The following STAP2 variants were observed in gnomAD, a reference collection of about 807,000 sequenced individuals.
STAP2 encodes signal transducing adaptor family member 2, also known as signal-transducing adaptor protein 2.
STAP2 carries 58 observed loss-of-function variants against 52.7 expected under a neutral mutation model. The ratio of observed to expected loss-of-function variants is 1.10; its 90% CI spans 0.89 to 1.37. The LOEUF is 1.37. Among genes scored for constraint, STAP2 ranks in the 40% most tolerant of loss-of-function variants. The probability of loss-of-function intolerance (pLI) is 0.00; values close to 1 mark genes in which losing one functional copy is unlikely to be tolerated. For missense variants in STAP2, 522 were observed against 519.4 expected, an observed-to-expected ratio of 1.00 and a Z score of -0.05; for synonymous variants, 231 against 210.5, an observed-to-expected ratio of 1.10 and a Z score of -0.84.
Position 4,324,865 on chromosome 19 carries a change from T to G in STAP2, c.1073-336A>C, listed in dbSNP as rs1201839801. Reference sequence around the variant, plus strand: ...ATAAAGACAGATGAGCTGGGTGCGGTGGCTCACGCCTGTAATCCCAGCACT... The same window carrying G: ...ATAAAGACAGATGAGCTGGGTGCGGGGGCTCACGCCTGTAATCCCAGCACT... On this transcript the variant is annotated intron_variant, in intron 11 of 12. Transcript: ENST00000594605. 4 of 414,910 alleles carry G rather than the reference T, an allele frequency of 9.6e-6. No homozygotes were observed. The East Asian group carries it at 2.0e-4, about 21-fold the overall frequency. The allele number at this position is 414,910 out of a possible 1,614,324, so 25.7% of individuals were successfully genotyped here.
chr19:4,337,655 G>A (rs997330714), intron 1 of STAP2, among the ~76,000 whole-genome samples: 7 of 151,818 alleles, frequency 4.6e-5, no homozygotes, highest in South Asian at 2.1e-4. Context: ...AAGACCAGCC[G>A]GGCCAACAAA....
At chr19:4,335,329 C>T (rs777902452) in intron 1 of STAP2, among the ~76,000 whole-genome samples, 1 of 152,014 alleles carries the variant, frequency 6.6e-6, no homozygotes, top group Non-Finnish European at 1.5e-5. Flanking sequence ...ATCCCTCCAT[C>T]GTGCATCCAC....
intron 12 of STAP2, 54 bp downstream of exon 12, chr19:4,324,401 G>C: frequency 1.4e-6 from 2 of 1,468,570 alleles, no homozygotes; most frequent in Non-Finnish European, 1.8e-6. Context: ...TTGTGTGACT[G>C]TACGGTCACA....
At chr19:4,334,897 C>G (rs530174410) in intron 1 of STAP2, among the ~76,000 whole-genome samples, 14 of 121,394 alleles carry the variant, frequency 1.2e-4, no homozygotes, top group Non-Finnish European at 2.1e-4. Context: ...ACTCATCCAT[C>G]CATCCACCCA....
chr19:4,331,094 C>A (rs1971882937), intron 4 of STAP2, among the ~76,000 whole-genome samples: 1 of 151,800 alleles, frequency 6.6e-6, no homozygotes, highest in African/African-American at 2.4e-5. Flanking sequence ...CTTTGGGAGG[C>A]CAAGGAGGGT....
chr19:4,329,264 C>A (rs1971848530), intron 5 of STAP2, among the ~76,000 whole-genome samples: 1 of 151,702 alleles, frequency 6.6e-6, no homozygotes, highest in Non-Finnish European at 1.5e-5. Flanking sequence ...TGCATCTGGC[C>A]GGGTTTTTTG....
In STAP2 at chr19:4,327,331, G is replaced by A; in HGVS notation, c.645C>T (p.Ile215=). 1 of 1,614,090 alleles carries A rather than the reference G, an allele frequency of 6.2e-7. No individual in the cohort carries two copies. Among genetic ancestry groups the A allele is most frequent in the East Asian group, 2.2e-5 (1 of 44,882 alleles). ...KVKREGPKYV[I]DVEQPFSCTS... ...CAACGCTCACCGGCTGTTCCACATC[G>A]ATCACGTACTTGGGGCCCTCCCGCT... Residue 215 remains isoleucine (I), a synonymous_variant, in exon 7 of 13, where the codon ATC becomes ATT. Transcript: ENST00000594605.
rs200463761 is a variant in STAP2, at chr19:4,327,175, T to G, written c.712A>C (p.Lys238Gln). The part of the protein sequence containing the change: ...AVVNYFVSHT[K>Q]KALVPFLLDE... ...AACAGGAATGGCACCAGCGCCTTTT[T>G]GGTATGCGACACGAAATAGTTGACC... Residue 238 changes from lysine (K) to glutamine (Q), a missense_variant, in exon 8 of 13, where the codon AAA becomes CAA. Physicochemically the swap from Lys to Gln is moderately conservative, Grantham distance 53. Coordinates refer to ENST00000594605, the MANE Select transcript of STAP2 (RefSeq NM_001013841.2). 1 of 1,614,142 alleles carries G rather than the reference T, an allele frequency of 6.2e-7. No individual in the cohort carries two copies. The highest frequency in any genetic ancestry group is 2.2e-5 in the East Asian group (1 of 44,872).
intron 1 of STAP2, among the ~76,000 whole-genome samples, chr19:4,335,834 C>T (rs567852629): frequency 1.3e-5 from 2 of 152,212 alleles, no homozygotes; most frequent in Admixed American, 6.5e-5. Flanking sequence ...CCAGGGCCTG[C>T]GTTGAGTCAA....
In STAP2 at chr19:4,327,418, C is replaced by T. The variant is rs1289844221; in HGVS notation, c.591-33G>A. ...AGGAGAAAGCGAGTGAGTGGCTCAG[C>T]CCAGGCTCCCACACCGCCCCTCAGG... On this transcript the variant is annotated intron_variant, in intron 6 of 12. Transcript: ENST00000594605. 1.9e-6 allele frequency: 3 copies of T among 1,612,112 alleles called. No homozygotes were observed. In the East Asian group the frequency reaches 6.7e-5, roughly 36 times the overall value.
intron 4 of STAP2, 75 bp from the exon 5 acceptor site, chr19:4,330,136 GC>G: frequency 8.8e-7 from 1 of 1,136,782 alleles, no homozygotes; most frequent in Non-Finnish European, 1.3e-6. Context: ...TCACAGAGTG[GC>G]AAATTGAGGC....
At chr19:4,335,856 G>C (rs1051661984) in intron 1 of STAP2, among the ~76,000 whole-genome samples, 7 of 152,148 alleles carry the variant, frequency 4.6e-5, no homozygotes, top group Admixed American at 1.3e-4. Flanking sequence ...TCCTCAACAC[G>C]TGAACTGTGA....
rs772761902 is a variant in STAP2 at position 4,324,448 on chromosome 19, C to T, written c.1147+7G>A. ...CCCGCCCCGCACTGACCCCGCAGAC[C>T]CCTTACCGGCTGTGGGGAAGAGAGG... On this transcript the variant is annotated splice_region_variant and intron_variant, in intron 12 of 12. Transcript: ENST00000594605. 1.1e-4 allele frequency: 169 copies of T among 1,560,516 alleles called. No homozygotes were observed. The highest frequency in any genetic ancestry group is 9.5e-5 in the African/African-American group (7 of 73,968).
rs978535649 is a variant in STAP2, at chr19:4,336,314, CTTTT to C, written c.103-2274_103-2271del. 7.2e-5 allele frequency among the ~76,000 whole-genome samples: 6 copies of C among 83,450 alleles called. No individual in the cohort carries two copies. In the South Asian group the frequency reaches 1.1e-3, roughly 16 times the overall value. The allele number at this position is 83,450 out of a possible 152,430, so 54.7% of individuals were successfully genotyped here. A position where few individuals can be genotyped will look rare whatever the true frequency, so the allele number is the denominator to read the frequency against. ...ACAGGCGTGAGCCACTGCACACTGC[CTTTT>C]TTTTTTTTTTTTTTTTTTGAGACAG... On this transcript the variant is annotated intron_variant, in intron 1 of 12. Coordinates refer to ENST00000594605, the MANE Select transcript of STAP2 (RefSeq NM_001013841.2).
Position 4,326,991 on chromosome 19 carries a change from A to G in STAP2, c.780T>C (p.Asp260=), listed in dbSNP as rs1568384971. 6.4e-7 allele frequency: 1 copy of G among 1,556,170 alleles called. No homozygotes were observed. The highest frequency in any genetic ancestry group is 8.7e-7 in the Non-Finnish European group (1 of 1,148,978). The change falls in exon 9 of 13, where the codon GAT becomes GAC. Residue 260 remains aspartate, a synonymous_variant. Transcript: ENST00000594605. The part of the protein sequence containing the change: ...YEKVLGYVEA[D]KENGENVWVA... Reference sequence around the variant, plus strand: ...CCCACACATTCTCGCCATTCTCCTTATCGGCTTCCACGTAGCCTGGAACAG... The same window carrying G: ...CCCACACATTCTCGCCATTCTCCTTGTCGGCTTCCACGTAGCCTGGAACAG...
chr19:4,330,216 T>C (rs916179162), intron 4 of STAP2, among the ~76,000 whole-genome samples, 155 bp from the exon 5 acceptor site: 14 of 151,488 alleles, frequency 9.2e-5, no homozygotes, highest in African/African-American at 3.4e-4. Flanking sequence ...TGCAGAGGAG[T>C]GTTGCATGAG....
At chr19:4,325,646 C>A (rs1971779615) in intron 9 of STAP2, 101 bp from the exon 10 acceptor site, 1 of 1,349,948 alleles carries the variant, frequency 7.4e-7, no homozygotes, top group South Asian at 1.4e-5. Flanking sequence ...AGGCATGTGT[C>A]CCTGTGTGTC....
chr19:4,325,337 A>G, intron 10 of STAP2, 29 bp from the exon 11 acceptor site: 2 of 1,614,184 alleles, frequency 1.2e-6, no homozygotes, highest in Non-Finnish European at 1.7e-6. Context: ...AACGTGTCAC[A>G]TCAGCTGTTA....
At chr19:4,333,850 G>T (rs1383924255) in intron 2 of STAP2, 34 bp from the exon 3 acceptor site, 1 of 1,613,592 alleles carries the variant, frequency 6.2e-7, no homozygotes, top group Non-Finnish European at 8.5e-7. Flanking sequence ...CTGGGCACCA[G>T]TTCCTTGGCC....
Sources: gnomAD v4.1 joint callset for allele counts (sites outside exome capture counted in the v4.1 genomes callset) on GRCh38, gnomAD v4.1.1 for gene constraint, MANE v1.5 for transcripts, NCBI Gene and HGNC (gene_info 2026-07-23, HGNC 2026-07-21) for gene names.